Variants in KIAA1549L observed in about 807,000 individuals in gnomAD.
The protein encoded by KIAA1549L is KIAA1549 like, also known as UPF0606 protein KIAA1549L.
KIAA1549L carries 88 observed loss-of-function variants against 160.7 expected under a neutral mutation model. That is an observed-to-expected ratio of 0.55 (90% CI 0.46 to 0.65). The LOEUF (loss-of-function observed/expected upper bound fraction) is 0.65, where lower values mean the gene tolerates loss of function less well. KIAA1549L is among the 30% of genes least tolerant of loss of function. The pLI, the probability that KIAA1549L is intolerant of heterozygous loss-of-function variation, is 0.00. For missense variants in KIAA1549L, 2,258 were observed against 2,437.5 expected (o/e 0.93, Z 1.55); for synonymous variants, 950 against 976.7 (o/e 0.97, Z 0.51).
At chr11:33,521,944 T>C (rs1330390267) in intron 1 of KIAA1549L, among the ~76,000 whole-genome samples, 4 of 152,208 alleles carry the variant, frequency 2.6e-5, no homozygotes, top group Non-Finnish European at 5.9e-5. Flanking sequence ...AGAACTTTCG[T>C]TGATGGAGCA....
chr11:33,394,862 T>G (rs1294403714), intron 1 of KIAA1549L, among the ~76,000 whole-genome samples: 1 of 152,228 alleles, frequency 6.6e-6, no homozygotes, highest in Non-Finnish European at 1.5e-5. Context: ...CTGCCCTGCT[T>G]GTCTGCGTGC....
At chr11:33,570,932 A>G (rs956334822) in intron 9 of KIAA1549L, among the ~76,000 whole-genome samples, 1 of 152,154 alleles carries the variant, frequency 6.6e-6, no homozygotes, top group Non-Finnish European at 1.5e-5. Context: ...GCAACTGGGT[A>G]TGATTTTTCT....
At chr11:33,400,167 A>G (rs1850469471) in intron 1 of KIAA1549L, among the ~76,000 whole-genome samples, 1 of 152,250 alleles carries the variant, frequency 6.6e-6, no homozygotes, top group Admixed American at 6.5e-5. Context: ...ACAAATGTGT[A>G]GAAATCAACC....
At chr11:33,580,445 G>A (rs1377126299) in intron 10 of KIAA1549L, among the ~76,000 whole-genome samples, 1 of 151,878 alleles carries the variant, frequency 6.6e-6, no homozygotes, top group Non-Finnish European at 1.5e-5. Context: ...ATGGTGGTGG[G>A]TGCGTGTAAT....
chr11:33,605,905 A>G (rs1202861026), intron 13 of KIAA1549L, among the ~76,000 whole-genome samples: 2 of 152,250 alleles, frequency 1.3e-5, no homozygotes, highest in East Asian at 3.8e-4. Flanking sequence ...CAGCTTAGTT[A>G]TGGAAGCTCA....
chr11:33,562,870 G>A (rs1157485795), intron 8 of KIAA1549L, among the ~76,000 whole-genome samples: 1 of 151,538 alleles, frequency 6.6e-6, no homozygotes, highest in Non-Finnish European at 1.5e-5. Flanking sequence ...TAGTAGAGAT[G>A]GGGTTTCACC....
In KIAA1549L at chr11:33,543,999, C is replaced by G. The variant is rs767925653; in HGVS notation, c.2436C>G (p.Asp812Glu). The G allele has an allele frequency of 6.2e-7, 1 of 1,614,016 alleles. No homozygotes were observed. Reference sequence around the variant, plus strand: ...CAAGCAATAACAACCATTCCAGAGACTTCCAAACAGCTGAAGTTGCATATT... The same window carrying G: ...CAAGCAATAACAACCATTCCAGAGAGTTCCAAACAGCTGAAGTTGCATATT... Reference protein sequence around the residue: ...WPTSNNNHSRDFQTAEVAYYS... With the variant: ...WPTSNNNHSREFQTAEVAYYS... Residue 812 changes from aspartate to glutamate, a missense_variant, in exon 2 of 21, where the codon GAC (aspartate) becomes GAG (glutamate). Transcript: ENST00000658780.
At chr11:33,528,402 A>G (rs941734920) in intron 1 of KIAA1549L, among the ~76,000 whole-genome samples, 7 of 152,250 alleles carry the variant, frequency 4.6e-5, no homozygotes, top group Non-Finnish European at 8.8e-5. Context: ...TACAACCACT[A>G]TAGAAAACAG....
At chr11:33,645,632 C>A in intron 16 of KIAA1549L, 54 bp from the exon 17 acceptor site, 1 of 1,279,442 alleles carries the variant, frequency 7.8e-7, no homozygotes, top group Non-Finnish European at 1.1e-6. Flanking sequence ...AATTACAGAG[C>A]ACCTTCACGG....
intron 1 of KIAA1549L, among the ~76,000 whole-genome samples, 167 bp downstream of exon 1, chr11:33,377,056 T>C (rs1288872258): frequency 1.3e-5 from 2 of 152,100 alleles, no homozygotes; most frequent in Admixed American, 6.5e-5. Flanking sequence ...GAAGGCACTT[T>C]GGGCGGGGAA....
intron 1 of KIAA1549L, among the ~76,000 whole-genome samples, chr11:33,538,169 G>A (rs1172595807): frequency 6.6e-6 from 1 of 152,210 alleles, no homozygotes; most frequent in African/African-American, 2.4e-5. Context: ...TATAAAACCA[G>A]ATCTCGTGAG....
intron 1 of KIAA1549L, among the ~76,000 whole-genome samples, chr11:33,456,577 A>G (rs1052433096): frequency 6.6e-6 from 1 of 151,822 alleles, no homozygotes; most frequent in East Asian, 1.9e-4. Context: ...CCCCTGGTCA[A>G]TTTTCATATT....
In KIAA1549L at chr11:33,670,891, G is replaced by T. The variant is rs1852652632; in HGVS notation, c.*2737G>T. The T allele has an allele frequency of 6.6e-6, 1 of 152,272 alleles. No individual in the cohort carries two copies. The highest frequency in any genetic ancestry group is 1.5e-5 in the Non-Finnish European group (1 of 68,062). The allele number at this position is 152,272 out of a possible 1,614,324, so 9.4% of individuals were successfully genotyped here. A position where few individuals can be genotyped will look rare whatever the true frequency, so the allele number is the denominator to read the frequency against. ...GTGGAGTGACTGGCCCAGTGATTCA[G>T]TCCCAACCTCCTGGTTCACGAACCT... On this transcript the variant is annotated 3_prime_UTR_variant, in exon 21 of 21. Coordinates refer to ENST00000658780, the MANE Select transcript of KIAA1549L (RefSeq NM_012194.3).
intron 1 of KIAA1549L, among the ~76,000 whole-genome samples, chr11:33,380,772 G>T (rs539759264): frequency 6.6e-6 from 1 of 152,012 alleles, no homozygotes; most frequent in African/African-American, 2.4e-5. Context: ...TCTTCTTGAT[G>T]AATCGATACC....
chr11:33,614,038 C>T, intron 15 of KIAA1549L, among the ~76,000 whole-genome samples: 1 of 152,094 alleles, frequency 6.6e-6, no homozygotes, highest in Non-Finnish European at 1.5e-5. Context: ...GGCTTTTTCT[C>T]GGCAGCCACC....
rs1253746710 is a variant in KIAA1549L, at chr11:33,376,535, C to G, written c.-117C>G. The G allele has an allele frequency of 6.7e-6, 1 of 148,622 alleles. No individual in the cohort carries two copies. The highest frequency in any genetic ancestry group is 1.5e-5 in the Non-Finnish European group (1 of 66,690). The allele number at this position is 148,622 out of a possible 1,614,324, so 9.2% of individuals were successfully genotyped here. ...AGCCAGTCGCGCCGCTCGGCGCCCC[C>G]TCCCTCCGGCGCCCGGGCCGTGGCC... On this transcript the variant is annotated 5_prime_UTR_variant, in exon 1 of 21. Transcript: ENST00000658780. The surrounding 1 kb of genome is among the most constrained non-coding windows in gnomAD (Gnocchi z 5.8).
intron 1 of KIAA1549L, among the ~76,000 whole-genome samples, chr11:33,388,599 A>C (rs1436757996): frequency 6.6e-6 from 1 of 152,186 alleles, no homozygotes; most frequent in Non-Finnish European, 1.5e-5. Context: ...ATATTCAGCA[A>C]CTTGCTTTTC....
At chr11:33,583,589 C>T in intron 11 of KIAA1549L, 88 bp downstream of exon 11, 1 of 1,207,150 alleles carries the variant, frequency 8.3e-7, no homozygotes, top group South Asian at 1.5e-5. Flanking sequence ...AGGCCATTGC[C>T]AGAGCCTGCA....
At chr11:33,648,454 G>A (rs12269870) in intron 17 of KIAA1549L, among the ~76,000 whole-genome samples, 1 of 150,676 alleles carries the variant, frequency 6.6e-6, no homozygotes, top group Non-Finnish European at 1.5e-5. Context: ...GTCCTTTTGT[G>A]CTTTGATAAT....
Sources: allele counts gnomAD v4.1 joint callset (sites outside exome capture counted in the v4.1 genomes callset), GRCh38; gene constraint gnomAD v4.1.1; non-coding constraint Gnocchi (gnomAD v3.1); transcripts MANE v1.5; gene names NCBI Gene and HGNC (gene_info 2026-07-23, HGNC 2026-07-21).